The following SNX29 variants were observed in gnomAD, a reference collection of about 807,000 sequenced individuals.
The protein encoded by SNX29 is sorting nexin 29.
A neutral mutation model predicts 102.1 loss-of-function variants in SNX29; 78 were observed. The ratio of observed to expected loss-of-function variants is 0.76; its 90% confidence interval spans 0.64 to 0.92. The LOEUF (loss-of-function observed/expected upper bound fraction) is 0.92. Among genes scored for constraint, SNX29 ranks in the 40% least tolerant of loss-of-function variants. The probability of loss-of-function intolerance (pLI) is 0.00; values close to 1 mark genes in which losing one functional copy is unlikely to be tolerated. For missense variants in SNX29, 1,280 were observed against 1,061.7 expected (o/e 1.21, Z -2.86); for synonymous variants, 580 against 414.5 (o/e 1.40, Z -4.85).
intron 19 of SNX29, among the ~76,000 whole-genome samples, chr16:12,489,428 CT>C (rs1379149942): frequency 6.6e-6 from 1 of 152,162 alleles, no homozygotes; most frequent in Non-Finnish European, 1.5e-5. Context: ...CCACTTGCAT[CT>C]TTAGAAACCA....
chr16:12,558,951 T>G (rs9931809), intron 20 of SNX29, among the ~76,000 whole-genome samples: 107,441 of 152,174 alleles, frequency 0.71, 39,149 homozygotes, highest in Middle Eastern at 0.84. Flanking sequence ...ATCGGCCCCA[T>G]GTTTCAGGTA....
chr16:12,552,229 C>T (rs983738802), intron 20 of SNX29, among the ~76,000 whole-genome samples: 18 of 151,060 alleles, frequency 1.2e-4, no homozygotes, highest in Non-Finnish European at 2.5e-4. Flanking sequence ...AGACATCCAG[C>T]ACCATGCCCC....
At chr16:12,493,029 C>G (rs1034424202) in intron 19 of SNX29, among the ~76,000 whole-genome samples, 3 of 152,032 alleles carry the variant, frequency 2.0e-5, no homozygotes, top group Non-Finnish European at 2.9e-5. Flanking sequence ...TTTTTTGGTT[C>G]CATATGAACT....
chr16:12,264,503 C>T (rs573794314), intron 14 of SNX29, among the ~76,000 whole-genome samples: 20 of 152,230 alleles, frequency 1.3e-4, no homozygotes, highest in South Asian at 4.2e-4. Flanking sequence ...TCCACAGGGC[C>T]GGGTGCTGTG....
intron 19 of SNX29, among the ~76,000 whole-genome samples, chr16:12,508,581 CAG>C (rs879397611): frequency 6.6e-6 from 1 of 152,244 alleles, no homozygotes; most frequent in Non-Finnish European, 1.5e-5. Context: ...AAAAAGCAGA[CAG>C]AGCTGGCCCT....
intron 16 of SNX29, among the ~76,000 whole-genome samples, chr16:12,365,140 A>G (rs1231333710): frequency 1.3e-5 from 2 of 151,770 alleles, no homozygotes; most frequent in South Asian, 2.1e-4. Flanking sequence ...CACACTGCTC[A>G]CTCTTTATTT....
chr16:11,983,389 T>C (rs2055472100), intron 1 of SNX29, among the ~76,000 whole-genome samples: 2 of 152,080 alleles, frequency 1.3e-5, no homozygotes, highest in South Asian at 4.1e-4. Context: ...TTCTTAGTTT[T>C]CTGGAATGTT....
intron 14 of SNX29, among the ~76,000 whole-genome samples, chr16:12,261,555 GCT>G (rs2078764191): frequency 2.3e-5 from 3 of 128,666 alleles, no homozygotes; most frequent in African/African-American, 6.0e-5. Context: ...GTAAGTGTTT[GCT>G]CTGAGCTTCG....
intron 11 of SNX29, among the ~76,000 whole-genome samples, chr16:12,089,139 G>C (rs1022838276): frequency 8.4e-6 from 1 of 118,674 alleles, no homozygotes; most frequent in Non-Finnish European, 1.8e-5. Context: ...GAGAGAGAGA[G>C]AGAGAAAAGA....
intron 18 of SNX29, among the ~76,000 whole-genome samples, chr16:12,458,390 GA>G (rs1377059921): frequency 7.2e-5 from 11 of 152,312 alleles, no homozygotes; most frequent in African/African-American, 2.4e-4. Context: ...CCTGGTTGCA[GA>G]GGAGGAAGAA....
At position 12,304,920 on chromosome 16, in the gene SNX29, A is replaced by G. The variant is rs113485940; in HGVS notation, c.1782+26884A>G. ...ATTCACAAAGCTGCCTTGATCATCTATTTCAGCTGTGCATGTTACTAATTT... is the reference window on the plus strand; with the variant it reads ...ATTCACAAAGCTGCCTTGATCATCTGTTTCAGCTGTGCATGTTACTAATTT... On this transcript the variant is annotated intron_variant, in intron 15 of 20. Coordinates refer to ENST00000566228, the MANE Select transcript of SNX29 (RefSeq NM_032167.5). 5.5e-3 allele frequency among the ~76,000 whole-genome samples: 844 copies of G among 152,350 alleles called. 7 individuals carry two copies. Among genetic ancestry groups the G allele is most frequent in the African/African-American group, 0.02 (816 of 41,584 alleles).
chr16:11,997,346 C>T (rs1274310565), intron 1 of SNX29, among the ~76,000 whole-genome samples: 2 of 152,218 alleles, frequency 1.3e-5, no homozygotes, highest in Non-Finnish European at 2.9e-5. Flanking sequence ...CAAATGTCAC[C>T]TGTGCAGAGA....
At chr16:12,102,441 T>C (rs2053062670) in intron 11 of SNX29, among the ~76,000 whole-genome samples, 1 of 152,262 alleles carries the variant, frequency 6.6e-6, no homozygotes. Flanking sequence ...GTTTCCTGAC[T>C]TTTTAATGAT....
chr16:12,365,184 T>A (rs1339446279), intron 16 of SNX29, among the ~76,000 whole-genome samples: 1 of 152,194 alleles, frequency 6.6e-6, no homozygotes, highest in African/African-American at 2.4e-5. Context: ...ATATGGTGTC[T>A]GTTGTGCTCC....
intron 9 of SNX29, among the ~76,000 whole-genome samples, chr16:12,064,731 G>A (rs1449302286): frequency 6.6e-6 from 1 of 152,202 alleles, no homozygotes; most frequent in Middle Eastern, 3.2e-3. Flanking sequence ...TCCATGGGAG[G>A]TGTGGGGCCG....
intron 16 of SNX29, among the ~76,000 whole-genome samples, chr16:12,359,650 G>A (rs779413201): frequency 1.3e-5 from 2 of 151,996 alleles, no homozygotes; most frequent in African/African-American, 2.4e-5. Context: ...CCTATCACTC[G>A]GCCTCAGTAA....
intron 18 of SNX29, among the ~76,000 whole-genome samples, chr16:12,459,837 A>G (rs1485202134): frequency 6.6e-6 from 1 of 152,084 alleles, no homozygotes; most frequent in Non-Finnish European, 1.5e-5. Flanking sequence ...CCGTCCAGTA[A>G]TACCCCATTT....
At chr16:12,565,100 C>A (rs114541170) in intron 20 of SNX29, among the ~76,000 whole-genome samples, 3,922 of 152,028 alleles carry the variant, frequency 0.026, 168 homozygotes, top group African/African-American at 0.089. Context: ...GTCTTCTCTT[C>A]TGAGTACTGG....
intron 11 of SNX29, among the ~76,000 whole-genome samples, chr16:12,109,047 G>C (rs538450330): frequency 1.5e-5 from 2 of 137,156 alleles, no homozygotes; most frequent in African/African-American, 5.5e-5. Context: ...ATAATCACTT[G>C]AACCTGGGGA....
Sources: allele counts gnomAD v4.1 joint callset (sites outside exome capture counted in the v4.1 genomes callset), GRCh38; gene constraint gnomAD v4.1.1; transcripts MANE v1.5; gene names NCBI Gene and HGNC (gene_info 2026-07-23, HGNC 2026-07-21).